DDC: variants seen among roughly 807,000 people sequenced by gnomAD.
DDC encodes aromatic-L-amino-acid decarboxylase.
DDC carries 43 observed loss-of-function variants against 60.0 expected under a neutral mutation model. The ratio of observed to expected loss-of-function variants is 0.72; its 90% CI spans 0.56 to 0.92. DDC has a LOEUF of 0.92. Among genes scored for constraint, DDC ranks in the 40% least tolerant of loss-of-function variants. The probability of loss-of-function intolerance (pLI) is 0.00; values close to 1 mark genes in which losing one functional copy is unlikely to be tolerated. For synonymous variants in DDC, 232 were observed against 234.6 expected, an observed-to-expected ratio of 0.99 and a Z score of 0.10; for missense variants, 573 against 620.2, an observed-to-expected ratio of 0.92 and a Z score of 0.81.
chr7:50,527,801 T>C lies in DDC; in HGVS notation c.714+336A>G, dbSNP rs1044047008. ...GTCTTGGCTGTCACCTTGCTCTGCG[T>C]GCTAACTTTGAGCCATGTCAGTTCT... On this transcript the variant is annotated intron_variant, in intron 6 of 14. Transcript: ENST00000444124. 4 of 291,578 alleles carry C rather than the reference T, an allele frequency of 1.4e-5. No individual in the cohort carries two copies. The Admixed American group carries it at 1.9e-4, about 14-fold the overall frequency. 18.1% of individuals were successfully genotyped at this position (291,578 alleles called of 1,614,324 possible). A position where few individuals can be genotyped will look rare whatever the true frequency, so the allele number is the denominator to read the frequency against.
In DDC at chr7:50,543,843, A is replaced by C. The variant is rs199850882; in HGVS notation, c.201+42T>G. The C allele has an allele frequency of 7.3e-5, 116 of 1,578,796 alleles. No individual in the cohort carries two copies. The East Asian group carries it at 2.6e-3, about 35-fold the overall frequency. On this transcript the variant is annotated intron_variant, in intron 2 of 14. Transcript: ENST00000444124. Reference sequence around the variant, plus strand: ...CTCAGAGCCAAGTAGGTGCTATGTGAGTTCTAGCCCTCCTGTTTTCTGACC... The same window carrying C: ...CTCAGAGCCAAGTAGGTGCTATGTGCGTTCTAGCCCTCCTGTTTTCTGACC...
chr7:50,553,453 C>T (rs1383453979), intron 1 of DDC, among the ~76,000 whole-genome samples: 4 of 145,364 alleles, frequency 2.8e-5, no homozygotes, highest in Admixed American at 1.4e-4. Flanking sequence ...GGATTAGCTG[C>T]TTTCTTTTTT....
At chr7:50,534,607 C>T (rs1395344238) in intron 4 of DDC, among the ~76,000 whole-genome samples, 2 of 49,752 alleles carry the variant, frequency 4.0e-5, no homozygotes, top group East Asian at 1.0e-3. Flanking sequence ...AAAAACAAGA[C>T]AAAATAAAAA....
chr7:50,506,098 G>C (rs188444362), intron 6 of DDC, among the ~76,000 whole-genome samples: 1 of 152,300 alleles, frequency 6.6e-6, no homozygotes, highest in African/African-American at 2.4e-5. Context: ...GATTAGGATC[G>C]GCTGGTTTGA....
chr7:50,483,556 T>C lies in DDC; in HGVS notation c.945-3693A>G, dbSNP rs143150207. On this transcript the variant is annotated intron_variant, in intron 9 of 14. Transcript: ENST00000444124. ...TTTGCTGCTCTCTGTGAATTATACT[T>C]AGGATTGGACTGATAAGTTTCCTGC... Among the ~76,000 whole-genome samples, 441 of 152,258 alleles carry C rather than the reference T, an allele frequency of 2.9e-3. 3 individuals carry two copies. Among genetic ancestry groups the C allele is most frequent in the African/African-American group, 1.0e-2 (414 of 41,566 alleles).
In DDC at chr7:50,552,349, C is replaced by T. The variant is rs373033398; in HGVS notation, c.-28-8236G>A. The stretch of plus-strand genomic sequence containing the variant: ...TGACATAAACTGCCCAGTGTTCCAG[C>T]AGCTGCACACGACACTATTCTCCAC... On this transcript the variant is annotated intron_variant, in intron 1 of 14. Coordinates refer to ENST00000444124, the MANE Select transcript of DDC (RefSeq NM_001082971.2). Among the ~76,000 whole-genome samples, 14 of 152,320 alleles carry T rather than the reference C, an allele frequency of 9.2e-5. No individual in the cohort carries two copies. In the East Asian group the frequency reaches 2.1e-3, roughly 23 times the overall value.
intron 9 of DDC, among the ~76,000 whole-genome samples, chr7:50,494,392 T>C (rs1159337623): frequency 5.9e-5 from 9 of 152,026 alleles, no homozygotes; most frequent in Middle Eastern, 3.4e-3. Context: ...TTGTCCCAGC[T>C]ACTCGGGAGG....
At position 50,514,886 on chromosome 7, in the gene DDC, A is replaced by T. The variant is rs28889020; in HGVS notation, c.715-10827T>A. Among the ~76,000 whole-genome samples the T allele has an allele frequency of 5.9e-5, 9 of 152,220 alleles. No individual in the cohort carries two copies. The South Asian group carries it at 1.9e-3, about 32-fold the overall frequency. On this transcript the variant is annotated intron_variant, in intron 6 of 14. Transcript: ENST00000444124. ...CAACAAAGATAAAGAAAAAAGAATA[A>T]GAAAATATGAACAAAGCCTCCAAGA...
In DDC at chr7:50,504,048, G is replaced by A. The variant is rs151222677; in HGVS notation, c.726C>T (p.Thr242=). The A allele has an allele frequency of 3.7e-6, 6 of 1,613,402 alleles. No individual in the cohort carries two copies. In the African/African-American group the frequency reaches 6.7e-5, roughly 18 times the overall value. Residue 242 remains threonine (T), a synonymous_variant, in exon 7 of 15, where the codon ACC becomes ACT. Transcript: ENST00000444124. ...AGLIPFFMVA[T]LGTTTCCSFD... is the part of the protein sequence containing the mutation. ...AGGAGCAGCATGTTGTGGTCCCCAG[G>A]GTGGCAACCATCTAGAGGGTAAAAA...
At chr7:50,512,426 C>G (rs2043605165) in intron 6 of DDC, among the ~76,000 whole-genome samples, 2 of 152,170 alleles carry the variant, frequency 1.3e-5, no homozygotes, top group African/African-American at 4.8e-5. Context: ...TTTTGAAACT[C>G]TGGGGTCTAT....
chr7:50,528,542 T>C (rs1198751684), intron 5 of DDC, among the ~76,000 whole-genome samples: 1 of 152,158 alleles, frequency 6.6e-6, no homozygotes, highest in Admixed American at 6.5e-5. Flanking sequence ...TGGGTCAATA[T>C]TTATGAAGTT....
At chr7:50,510,752 C>T (rs1037762063) in intron 6 of DDC, among the ~76,000 whole-genome samples, 10 of 151,186 alleles carry the variant, frequency 6.6e-5, no homozygotes, top group East Asian at 3.9e-4. Context: ...GAGGCCAAGG[C>T]GGGCGGATCA....
chr7:50,473,548 C>G (rs1032888024), intron 11 of DDC, among the ~76,000 whole-genome samples: 2 of 152,242 alleles, frequency 1.3e-5, no homozygotes, highest in African/African-American at 2.4e-5. Flanking sequence ...ATCTCCAGCC[C>G]TCTCTAGGAA....
chr7:50,506,762 T>A (rs1007999492), intron 6 of DDC, among the ~76,000 whole-genome samples: 1 of 152,262 alleles, frequency 6.6e-6, no homozygotes, highest in Admixed American at 6.5e-5. Flanking sequence ...AAGCAACGTA[T>A]TGCACTTACA....
intron 2 of DDC, chr7:50,540,230 C>T (rs2044579962): frequency 1.7e-6 from 1 of 599,088 alleles, no homozygotes; most frequent in Non-Finnish European, 3.1e-6. Flanking sequence ...ACTGTCCCCA[C>T]TCCCTTTAAA....
At chr7:50,564,229 C>G (rs140523907) in intron 1 of DDC, 2 of 152,224 alleles carry the variant, frequency 1.3e-5, no homozygotes, top group Non-Finnish European at 2.9e-5. Context: ...TCATCTTCAT[C>G]CTACACCGCA....
intron 8 of DDC, among the ~76,000 whole-genome samples, chr7:50,495,972 A>C (rs1415565735): frequency 1.3e-5 from 2 of 152,172 alleles, no homozygotes; most frequent in African/African-American, 4.8e-5. Context: ...GGAAAGAGGA[A>C]ATTTTATTAC....
At chr7:50,485,549 T>C (rs2042863301) in intron 9 of DDC, among the ~76,000 whole-genome samples, 1 of 152,218 alleles carries the variant, frequency 6.6e-6, no homozygotes, top group African/African-American at 2.4e-5. Flanking sequence ...TTTACTGAAT[T>C]AGTGAAATTT....
At chr7:50,485,099 C>A (rs1024270225) in intron 9 of DDC, among the ~76,000 whole-genome samples, 2 of 152,012 alleles carry the variant, frequency 1.3e-5, no homozygotes, top group Non-Finnish European at 2.9e-5. Flanking sequence ...TGTACAAACA[C>A]TATAAAATAA....
Sources: allele counts gnomAD v4.1 joint callset (sites outside exome capture counted in the v4.1 genomes callset), GRCh38; gene constraint gnomAD v4.1.1; transcripts MANE v1.5; gene names NCBI Gene and HGNC (gene_info 2026-07-23, HGNC 2026-07-21).